ANXA4: variants seen among roughly 807,000 people sequenced by gnomAD.
The protein encoded by ANXA4 is annexin A4.
In ANXA4, 39 loss-of-function variants were observed where a neutral mutation model predicts 49.8. The ratio of observed to expected loss-of-function variants is 0.78; its 90% CI spans 0.61 to 1.02. The LOEUF is 1.02. Among genes scored for constraint, ANXA4 ranks in the 50% least tolerant of loss-of-function variants. ANXA4 has a pLI of 0.00. For synonymous variants in ANXA4, 134 were observed against 152.5 expected (o/e 0.88, Z 0.89); for missense variants, 360 against 410.1 (o/e 0.88, Z 1.05).
intron 3 of ANXA4, among the ~76,000 whole-genome samples, chr2:69,802,240 C>T (rs1487602149): frequency 1.3e-5 from 2 of 152,088 alleles, no homozygotes; most frequent in Non-Finnish European, 2.9e-5. Context: ...GAAGACCAAC[C>T]AGGAGTTAAG....
intron 1 of ANXA4, among the ~76,000 whole-genome samples, chr2:69,768,394 G>C (rs1372980128): frequency 6.6e-6 from 1 of 152,224 alleles, no homozygotes; most frequent in African/African-American, 2.4e-5. Flanking sequence ...GGGCCAGAGA[G>C]AGGATGACTG....
intron 6 of ANXA4, chr2:69,809,772 T>A (rs1009709160): frequency 8.5e-5 from 13 of 152,146 alleles, no homozygotes; most frequent in Non-Finnish European, 1.8e-4. Context: ...GCCACTGCGC[T>A]CGGCCGTGGA....
intron 3 of ANXA4, among the ~76,000 whole-genome samples, chr2:69,732,629 A>C (rs967093263): frequency 3.3e-5 from 5 of 152,070 alleles, no homozygotes; most frequent in Non-Finnish European, 5.9e-5. Flanking sequence ...GTGGTGGTGC[A>C]TGCCTGTAAT....
chr2:69,695,987 C>A (rs1261692514), intron 2 of ANXA4, among the ~76,000 whole-genome samples: 4 of 152,144 alleles, frequency 2.6e-5, no homozygotes, highest in Admixed American at 6.6e-5. Flanking sequence ...CATCTCAACA[C>A]TGGTGACTGC....
At chr2:69,771,077 G>A (rs1325488053) in intron 1 of ANXA4, among the ~76,000 whole-genome samples, 1 of 141,720 alleles carries the variant, frequency 7.1e-6, no homozygotes, top group Non-Finnish European at 1.5e-5. Context: ...CTGGGCAACA[G>A]GGCAAGACCC....
upstream of ANXA4, among the ~76,000 whole-genome samples, chr2:69,737,095 A>C (rs1388150302): frequency 6.6e-6 from 1 of 152,132 alleles, no homozygotes; most frequent in Non-Finnish European, 1.5e-5. Flanking sequence ...GAGCCACTGC[A>C]CCCAGCCTAC....
chr2:69,708,601 G>C (rs1038473501), intron 2 of ANXA4, among the ~76,000 whole-genome samples: 4 of 152,118 alleles, frequency 2.6e-5, no homozygotes, highest in Non-Finnish European at 5.9e-5. Context: ...GGAGACAGAT[G>C]CATTTAGGTG....
chr2:69,658,009 A>C (rs1327472700), intron 2 of ANXA4, among the ~76,000 whole-genome samples: 1 of 152,162 alleles, frequency 6.6e-6, no homozygotes, highest in East Asian at 1.9e-4. Flanking sequence ...CTCCTGAAAT[A>C]TACGCAAAAA....
intron 2 of ANXA4, among the ~76,000 whole-genome samples, chr2:69,660,775 G>GGAGA (rs60225306): frequency 3.0e-4 from 44 of 145,728 alleles, no homozygotes; most frequent in South Asian, 1.1e-3. Flanking sequence ...AGGGAGGGAG[G>GGAGA]GAGAGAGAGA....
chr2:69,788,411 A>T (rs557256292), intron 3 of ANXA4, among the ~76,000 whole-genome samples: 149 of 152,288 alleles, frequency 9.8e-4, no homozygotes, highest in African/African-American at 3.3e-3. Context: ...GTGGTGGCAC[A>T]CACCTGTAAT....
At chr2:69,653,216 C>T (rs1179807717) in exon 2 of ANXA4, 3 of 152,222 alleles carry the variant, frequency 2.0e-5, no homozygotes, top group Non-Finnish European at 2.9e-5. Context: ...CCTAAAACCA[C>T]GCTACCGAAA....
rs185015718 is a variant in ANXA4 at position 69,656,347 on chromosome 2, G to A, written n.766+3065G>A. ...TGTATATATATGTGTATATATATGT[G>A]TATATATGTGTATATATATGTGTAT... On this transcript the variant is annotated intron_variant and non_coding_transcript_variant, in intron 2 of 3. Coordinates refer to the ANXA4 transcript ENST00000418066. Among the ~76,000 whole-genome samples the A allele has an allele frequency of 4.0e-4, 37 of 91,500 alleles. 2 individuals carry two copies. In the East Asian group the frequency reaches 0.015, roughly 37 times the overall value. 60.0% of individuals were successfully genotyped at this position (91,500 alleles called of 152,430 possible). A position where few individuals can be genotyped will look rare whatever the true frequency, so the allele number is the denominator to read the frequency against.
intron 12 of ANXA4, among the ~76,000 whole-genome samples, chr2:69,822,253 C>T (rs1222000987): frequency 1.3e-5 from 2 of 151,904 alleles, no homozygotes; most frequent in Admixed American, 1.3e-4. Context: ...CCCAGCTACT[C>T]AGGAGGCTGA....
chr2:69,695,684 C>G (rs1026278561), intron 2 of ANXA4, among the ~76,000 whole-genome samples: 12 of 152,136 alleles, frequency 7.9e-5, no homozygotes, highest in Non-Finnish European at 1.5e-4. Flanking sequence ...TAATCTCCAA[C>G]CAAACAGCAA....
intron 2 of ANXA4, among the ~76,000 whole-genome samples, chr2:69,699,811 A>C (rs940065640): frequency 1.3e-5 from 2 of 152,212 alleles, no homozygotes; most frequent in African/African-American, 2.4e-5. Flanking sequence ...CTTTCAAGGG[A>C]AGAGGGTCCA....
chr2:69,729,421 G>A (rs1009304957), intron 3 of ANXA4, among the ~76,000 whole-genome samples: 1 of 152,206 alleles, frequency 6.6e-6, no homozygotes, highest in South Asian at 2.1e-4. Context: ...ATGACTACAC[G>A]AGAAGAGAGT....
At chr2:69,765,571 GC>G (rs1176465372) in intron 1 of ANXA4, among the ~76,000 whole-genome samples, 2 of 152,096 alleles carry the variant, frequency 1.3e-5, no homozygotes, top group Non-Finnish European at 2.9e-5. Context: ...CCTCACCAGT[GC>G]CCCCAATCAC....
intron 6 of ANXA4, chr2:69,808,201 A>C (rs1013288275): frequency 1.8e-6 from 1 of 555,344 alleles, no homozygotes; most frequent in Non-Finnish European, 3.2e-6. Flanking sequence ...TGAAGATGAC[A>C]CTCTATTTTG....
intron 1 of ANXA4, among the ~76,000 whole-genome samples, chr2:69,768,893 TA>T (rs1671597867): frequency 6.6e-6 from 1 of 151,670 alleles, no homozygotes; most frequent in South Asian, 2.1e-4. Flanking sequence ...CTGAGCAACA[TA>T]GTGAGACCCC....
Sources: allele counts gnomAD v4.1 joint callset (sites outside exome capture counted in the v4.1 genomes callset), GRCh38; gene constraint gnomAD v4.1.1; transcripts MANE v1.5; gene names NCBI Gene and HGNC (gene_info 2026-07-23, HGNC 2026-07-21).